CYRIB: variants seen among roughly 807,000 people sequenced by gnomAD.
CYRIB encodes the protein CYFIP related Rac1 interactor B, also known as CYFIP-related Rac1 interactor B.
A neutral mutation model predicts 44.2 loss-of-function variants in CYRIB; 8 were observed. That is an observed-to-expected ratio of 0.18 (90% CI 0.11 to 0.33). The LOEUF (loss-of-function observed/expected upper bound fraction) is 0.33, where lower values mean the gene tolerates loss of function less well. Ranked by LOEUF, CYRIB falls within the 10% of genes least tolerant of loss-of-function variation. The pLI, the probability that CYRIB is intolerant of heterozygous loss-of-function variation, is 1.00. For synonymous variants in CYRIB, 131 were observed against 127.2 expected, an observed-to-expected ratio of 1.03 and a Z score of -0.20; for missense variants, 185 against 382.8, an observed-to-expected ratio of 0.48 and a Z score of 4.31.
At position 129,936,543 on chromosome 8, in the gene CYRIB, T is replaced by C. The variant is rs549850307; in HGVS notation, c.-50+3065A>G. Among the ~76,000 whole-genome samples the C allele has an allele frequency of 2.0e-5, 3 of 152,276 alleles. No individual in the cohort carries two copies. In the South Asian group the frequency reaches 6.2e-4, roughly 32 times the overall value. Reference sequence around the variant, plus strand: ...GAAACTCTAAATGCCCAATAAATTATTTGAATTCACTGTTGTTCATGAATG... The same window carrying C: ...GAAACTCTAAATGCCCAATAAATTACTTGAATTCACTGTTGTTCATGAATG... On this transcript the variant is annotated intron_variant, in intron 1 of 11. Transcript: ENST00000519824.
At chr8:129,880,551 C>A (rs529665245) in intron 2 of CYRIB, 6 of 427,766 alleles carry the variant, frequency 1.4e-5, no homozygotes, top group African/African-American at 1.1e-4. Flanking sequence ...TCATAATTAT[C>A]AACAGGTGCA....
At chr8:129,909,424 T>C (rs1430393818) in intron 1 of CYRIB, among the ~76,000 whole-genome samples, 1 of 152,212 alleles carries the variant, frequency 6.6e-6, no homozygotes, top group Non-Finnish European at 1.5e-5. Context: ...TTTATGTATA[T>C]TTTTATACAA....
chr8:129,953,200 C>T (rs1451754826), intron 2 of CYRIB, among the ~76,000 whole-genome samples: 4 of 152,134 alleles, frequency 2.6e-5, no homozygotes, highest in South Asian at 2.1e-4. Flanking sequence ...ATAAATGACA[C>T]GGATGATATA....
chr8:129,862,078 C>CTA (rs1335576984), intron 5 of CYRIB, 151 bp downstream of exon 7: 2 of 586,464 alleles, frequency 3.4e-6, no homozygotes, highest in African/African-American at 3.8e-5. Flanking sequence ...AGAAGATTAA[C>CTA]TATAATCTTA....
chr8:129,860,077 C>T (rs973704033), intron 5 of CYRIB, among the ~76,000 whole-genome samples: 2 of 152,168 alleles, frequency 1.3e-5, no homozygotes, highest in Non-Finnish European at 2.9e-5. Flanking sequence ...GGCCAAGAAA[C>T]CTTCTCCTTA....
intron 1 of CYRIB, among the ~76,000 whole-genome samples, chr8:129,915,272 G>T (rs2080118223): frequency 6.6e-6 from 1 of 152,062 alleles, no homozygotes; most frequent in East Asian, 1.9e-4. Context: ...GACAGACTGT[G>T]GTATTTCCAT....
At chr8:129,914,954 C>T (rs930907074) in intron 1 of CYRIB, among the ~76,000 whole-genome samples, 4 of 152,068 alleles carry the variant, frequency 2.6e-5, no homozygotes, top group Non-Finnish European at 5.9e-5. Context: ...TGAAAAGATG[C>T]TCAACACCAT....
chr8:129,967,521 A>G (rs2095531664), intron 2 of CYRIB, among the ~76,000 whole-genome samples: 1 of 151,650 alleles, frequency 6.6e-6, no homozygotes, highest in Admixed American at 6.6e-5. Context: ...CTGGGACTAC[A>G]GGCGCCTGCC....
At chr8:129,996,391 C>T (rs182812099) in intron 1 of CYRIB, among the ~76,000 whole-genome samples, 1 of 152,248 alleles carries the variant, frequency 6.6e-6, no homozygotes, top group Non-Finnish European at 1.5e-5. Context: ...CTCATCCACC[C>T]CATCCACCAC....
At chr8:129,997,570 G>T (rs1179314007) in intron 1 of CYRIB, among the ~76,000 whole-genome samples, 1 of 152,204 alleles carries the variant, frequency 6.6e-6, no homozygotes, top group East Asian at 1.9e-4. Context: ...TGTGTGCAGG[G>T]CCTGAGCTTC....
upstream of CYRIB, among the ~76,000 whole-genome samples, chr8:129,943,196 G>C (rs2093864516): frequency 6.6e-6 from 1 of 151,364 alleles, no homozygotes; most frequent in Admixed American, 6.6e-5. Flanking sequence ...GAAAGGACAG[G>C]CTGTCATCTT....
At chr8:129,876,274 G>T (rs910974930) in intron 3 of CYRIB, among the ~76,000 whole-genome samples, 6 of 152,138 alleles carry the variant, frequency 3.9e-5, no homozygotes, top group Non-Finnish European at 8.8e-5. Context: ...GGGTACTGAG[G>T]TGAAAGGGTC....
At chr8:129,854,565 T>C (rs1451912375) in intron 6 of CYRIB, among the ~76,000 whole-genome samples, 1 of 152,218 alleles carries the variant, frequency 6.6e-6, no homozygotes, top group African/African-American at 2.4e-5. Flanking sequence ...CCCTTTTCTT[T>C]TCAGTTAATT....
At chr8:129,931,892 G>A (rs1310047526) in intron 1 of CYRIB, among the ~76,000 whole-genome samples, 1 of 152,030 alleles carries the variant, frequency 6.6e-6, no homozygotes, top group East Asian at 1.9e-4. Flanking sequence ...CTCCCAAATT[G>A]CTGGGATTGC....
intron 2 of CYRIB, among the ~76,000 whole-genome samples, chr8:129,887,232 C>T (rs999139109): frequency 5.9e-5 from 9 of 152,132 alleles, no homozygotes; most frequent in Non-Finnish European, 1.3e-4. Flanking sequence ...GCTCCAGCCA[C>T]GGCTAAAACA....
chr8:129,858,220 A>G (rs2047233426), intron 5 of CYRIB, among the ~76,000 whole-genome samples: 1 of 152,248 alleles, frequency 6.6e-6, no homozygotes, highest in African/African-American at 2.4e-5. Context: ...GTTGGAGAGA[A>G]AGAGAGGACA....
rs1563907806 is a variant in CYRIB, at chr8:129,842,239, G to A, written c.912-34C>T. On this transcript the variant is annotated intron_variant, in intron 11 of 11. Transcript: ENST00000519824. Reference sequence around the variant, plus strand: ...AGAAAAGAAAAAAGATCAATTTTAGGAACTTAAAAAATAATCAGCATCGGG... The same window carrying A: ...AGAAAAGAAAAAAGATCAATTTTAGAAACTTAAAAAATAATCAGCATCGGG... 4.7e-6 allele frequency: 7 copies of A among 1,492,552 alleles called. No individual in the cohort carries two copies. The Admixed American group carries it at 6.9e-5, about 15-fold the overall frequency. 92.5% of individuals were successfully genotyped at this position (1,492,552 alleles called of 1,614,324 possible).
At chr8:129,996,498 C>T (rs1730250837) in intron 1 of CYRIB, among the ~76,000 whole-genome samples, 1 of 152,158 alleles carries the variant, frequency 6.6e-6, no homozygotes, top group African/African-American at 2.4e-5. Flanking sequence ...GACAGAGGGG[C>T]CGTGGGGAAA....
upstream of CYRIB, among the ~76,000 whole-genome samples, chr8:129,942,451 C>T (rs1337080161): frequency 1.3e-5 from 2 of 152,206 alleles, no homozygotes; most frequent in African/African-American, 4.8e-5. Context: ...TGTACAAGAA[C>T]TCACAAGTAA....
Sources: gnomAD v4.1 joint callset for allele counts (sites outside exome capture counted in the v4.1 genomes callset) on GRCh38, gnomAD v4.1.1 for gene constraint, MANE v1.5 for transcripts, NCBI Gene and HGNC (gene_info 2026-07-23, HGNC 2026-07-21) for gene names.